The following CCDC102B variants were observed in gnomAD, a reference collection of about 807,000 sequenced individuals.
CCDC102B encodes coiled-coil domain containing 102B, also known as coiled-coil domain-containing protein 102B.
In CCDC102B, 75 loss-of-function variants were observed where a neutral mutation model predicts 57.4. The ratio of observed to expected loss-of-function variants is 1.31; its 90% CI spans 1.08 to 1.58. The LOEUF (loss-of-function observed/expected upper bound fraction) is 1.58, where lower values mean the gene tolerates loss of function less well. Among genes scored for constraint, CCDC102B ranks in the 40% most tolerant of loss-of-function variants. The pLI is 0.00. For synonymous variants in CCDC102B, 206 were observed against 201.9 expected, an observed-to-expected ratio of 1.02 and a Z score of -0.17; for missense variants, 636 against 582.6, an observed-to-expected ratio of 1.09 and a Z score of -0.94.
intron 7 of CCDC102B, among the ~76,000 whole-genome samples, chr18:69,026,193 C>T (rs1286852091): frequency 2.0e-5 from 3 of 152,088 alleles, no homozygotes; most frequent in Non-Finnish European, 2.9e-5. Flanking sequence ...TTGCCGGGCA[C>T]GGTGGCTCAC....
chr18:68,993,617 A>G (rs905657312), intron 6 of CCDC102B, among the ~76,000 whole-genome samples: 2 of 152,224 alleles, frequency 1.3e-5, no homozygotes, highest in African/African-American at 4.8e-5. Flanking sequence ...CTTGCTTTTG[A>G]CACTAAAAAT....
At chr18:68,778,154 C>A (rs985658063) in intron 2 of CCDC102B, among the ~76,000 whole-genome samples, 2 of 152,084 alleles carry the variant, frequency 1.3e-5, no homozygotes, top group African/African-American at 4.8e-5. Context: ...CAACGTTTTC[C>A]CTCTCCATAT....
At chr18:69,034,015 A>G (rs2052218048) in intron 7 of CCDC102B, among the ~76,000 whole-genome samples, 1 of 151,840 alleles carries the variant, frequency 6.6e-6, no homozygotes, top group Non-Finnish European at 1.5e-5. Flanking sequence ...AAATTTATTC[A>G]CATCTTCTGC....
chr18:68,967,619 A>G (rs2050198126), intron 6 of CCDC102B, among the ~76,000 whole-genome samples: 1 of 152,168 alleles, frequency 6.6e-6, no homozygotes, highest in Admixed American at 6.6e-5. Context: ...AAATAAAGAT[A>G]TTCCATAACC....
chr18:68,732,314 G>A (rs2032908710), intron 2 of CCDC102B, among the ~76,000 whole-genome samples: 1 of 150,784 alleles, frequency 6.6e-6, no homozygotes, highest in Non-Finnish European at 1.5e-5. Context: ...CTTGAAATGT[G>A]TATCTGGCAT....
chr18:68,810,270 CT>C lies in CCDC102B; in HGVS notation c.-16+12097del, dbSNP rs1185171740. ...TTTCAGATAGATTTTAGTCTTTAGT[CT>C]TTTTTTTAACCAAACAAGTAATTTG... On this transcript the variant is annotated intron_variant, in intron 1 of 7. Transcript: ENST00000360242. 4.0e-5 allele frequency among the ~76,000 whole-genome samples: 6 copies of C among 151,886 alleles called. No individual in the cohort carries two copies. In the East Asian group the frequency reaches 1.2e-3, roughly 29 times the overall value.
At chr18:69,040,561 T>C (rs2052410537) in intron 7 of CCDC102B, among the ~76,000 whole-genome samples, 1 of 151,904 alleles carries the variant, frequency 6.6e-6, no homozygotes, top group Non-Finnish European at 1.5e-5. Context: ...TCATTAACTA[T>C]CCTCTAGAGA....
intron 6 of CCDC102B, among the ~76,000 whole-genome samples, chr18:68,914,265 A>C (rs68019141): frequency 0.29 from 44,516 of 151,900 alleles, 7,373 homozygotes; most frequent in Non-Finnish European, 0.37. Flanking sequence ...TTCCTCCTAC[A>C]TCCCAAAGAC....
intron 6 of CCDC102B, among the ~76,000 whole-genome samples, chr18:68,913,559 G>T (rs1736214891): frequency 6.6e-6 from 1 of 151,774 alleles, no homozygotes; most frequent in African/African-American, 2.4e-5. Flanking sequence ...GGAGGCTGAG[G>T]CAGGAAAATC....
At chr18:68,825,182 A>G (rs1568271172) in intron 1 of CCDC102B, among the ~76,000 whole-genome samples, 1 of 152,224 alleles carries the variant, frequency 6.6e-6, no homozygotes, top group African/African-American at 2.4e-5. Context: ...ATTTATTCTC[A>G]TAGTAAATGA....
chr18:69,010,623 A>G (rs2051488693), intron 6 of CCDC102B, among the ~76,000 whole-genome samples: 1 of 152,182 alleles, frequency 6.6e-6, no homozygotes, highest in Non-Finnish European at 1.5e-5. Context: ...ATGCATTTAT[A>G]TTATTTTATT....
intron 6 of CCDC102B, among the ~76,000 whole-genome samples, chr18:68,945,665 G>T (rs1476745617): frequency 6.6e-6 from 1 of 152,072 alleles, no homozygotes; most frequent in African/African-American, 2.4e-5. Flanking sequence ...CCACATAAAT[G>T]TTGTGGAAGA....
At chr18:68,995,435 C>G (rs2050997779) in intron 6 of CCDC102B, among the ~76,000 whole-genome samples, 1 of 152,088 alleles carries the variant, frequency 6.6e-6, no homozygotes, top group Admixed American at 6.5e-5. Context: ...TTTCCTGGGC[C>G]AAGCCCAGAG....
At chr18:68,937,230 T>G (rs1041635992) in intron 6 of CCDC102B, among the ~76,000 whole-genome samples, 1 of 152,016 alleles carries the variant, frequency 6.6e-6, no homozygotes, top group Non-Finnish European at 1.5e-5. Flanking sequence ...AGACAGCACT[T>G]TAGCAAAATG....
At chr18:68,778,774 T>G (rs953107118) in intron 2 of CCDC102B, among the ~76,000 whole-genome samples, 7 of 151,906 alleles carry the variant, frequency 4.6e-5, no homozygotes, top group Non-Finnish European at 8.8e-5. Flanking sequence ...GGGAACTGCT[T>G]TGAAGGAATT....
intron 2 of CCDC102B, among the ~76,000 whole-genome samples, chr18:68,787,571 C>T (rs1362016473): frequency 2.6e-5 from 4 of 151,528 alleles, no homozygotes; most frequent in South Asian, 2.1e-4. Flanking sequence ...GTGTATATGT[C>T]GAGGAATTTA....
At chr18:68,897,197 T>G (rs556728347) in intron 5 of CCDC102B, 22 bp from the exon 6 acceptor site, 6 of 1,592,422 alleles carry the variant, frequency 3.8e-6, no homozygotes, top group Admixed American at 3.6e-5. Context: ...GCATGCTGCT[T>G]CTTTGTGTTT....
Position 68,838,736 on chromosome 18 carries a change from T to C in CCDC102B, c.637T>C (p.Leu213=), listed in dbSNP as rs1237866615. Residue 213 remains leucine (L), a synonymous_variant, in exon 3 of 8, where the codon TTA becomes CTA. Coordinates refer to ENST00000360242, the MANE Select transcript of CCDC102B (RefSeq NM_024781.3). ...EQGVVIDSLK[L]SEEMKPNLDG... ...AGGTGTGGTTATTGATTCTCTAAAA[T>C]TAAGTGAGGAGATGAAGCCCAATCT... 6.2e-7 allele frequency: 1 copy of C among 1,613,876 alleles called. No individual in the cohort carries two copies. Among genetic ancestry groups the C allele is most frequent in the Non-Finnish European group, 8.5e-7 (1 of 1,179,936 alleles).
At chr18:68,720,229 C>G (rs375819172) in intron 2 of CCDC102B, among the ~76,000 whole-genome samples, 2 of 152,278 alleles carry the variant, frequency 1.3e-5, no homozygotes, top group East Asian at 1.9e-4. Flanking sequence ...AGATGTTTTG[C>G]TAAATTTCTT....
Sources: gnomAD v4.1 joint callset for allele counts (sites outside exome capture counted in the v4.1 genomes callset) on GRCh38, gnomAD v4.1.1 for gene constraint, MANE v1.5 for transcripts, NCBI Gene and HGNC (gene_info 2026-07-23, HGNC 2026-07-21) for gene names.